VAV3: variants seen among roughly 807,000 people sequenced by gnomAD.
VAV3 encodes guanine nucleotide exchange factor VAV3.
A neutral mutation model predicts 131.2 loss-of-function variants in VAV3; 94 were observed. The observed-to-expected ratio is 0.72, with a 90% confidence interval of 0.61 to 0.85. The LOEUF (loss-of-function observed/expected upper bound fraction) is 0.85, where lower values mean the gene tolerates loss of function less well. VAV3 is among the 40% of genes least tolerant of loss of function. VAV3 has a pLI of 0.00. For synonymous variants in VAV3, 349 were observed against 342.0 expected, an observed-to-expected ratio of 1.02 and a Z score of -0.22; for missense variants, 939 against 1,002.7, an observed-to-expected ratio of 0.94 and a Z score of 0.86.
At chr1:107,713,967 A>C (rs760362755) in intron 15 of VAV3, among the ~76,000 whole-genome samples, 1 of 152,130 alleles carries the variant, frequency 6.6e-6, no homozygotes, top group Non-Finnish European at 1.5e-5. Flanking sequence ...GTTTGTGCCG[A>C]ATGTTCAAAT....
chr1:107,695,123 G>A (rs1267347968), intron 17 of VAV3, among the ~76,000 whole-genome samples: 2 of 152,036 alleles, frequency 1.3e-5, no homozygotes, highest in African/African-American at 4.8e-5. Context: ...TTGGAGAACT[G>A]TGAGTAGTTA....
At chr1:107,813,627 T>C (rs1667424761) in intron 2 of VAV3, among the ~76,000 whole-genome samples, 1 of 152,240 alleles carries the variant, frequency 6.6e-6, no homozygotes, top group Non-Finnish European at 1.5e-5. Flanking sequence ...AAGTCCTCTC[T>C]TCTAGCTATT....
intron 2 of VAV3, among the ~76,000 whole-genome samples, chr1:107,843,105 T>C (rs965562501): frequency 2.0e-5 from 3 of 152,060 alleles, no homozygotes; most frequent in Admixed American, 2.0e-4. Flanking sequence ...TTCCAATTTA[T>C]CGTGAAACCT....
Position 107,602,432 on chromosome 1 carries a change from GA to G in VAV3, c.2184del (p.His729ThrfsTer11). On this transcript the variant is annotated frameshift_variant, in exon 24 of 27. Coordinates refer to ENST00000370056, the MANE Select transcript of VAV3 (RefSeq NM_006113.5). LOFTEE classifies it high-confidence loss of function. ...HIKILTRDGF[F>X]HIAENRKFKS... ...TTAAATTTTCTATTTTCTGCAATGT[GA>G]AAAAAGCCATCTCTTGTTAAAATCT... The G allele has an allele frequency of 1.9e-6, 3 of 1,574,242 alleles. No individual in the cohort carries two copies. The highest frequency in any genetic ancestry group is 2.0e-5 in the Admixed American group (1 of 50,298).
chr1:107,856,298 T>C (rs1669464699), intron 2 of VAV3, among the ~76,000 whole-genome samples: 2 of 152,228 alleles, frequency 1.3e-5, no homozygotes, highest in African/African-American at 4.8e-5. Flanking sequence ...CATTGCTATG[T>C]TCCTGAAAAC....
chr1:107,923,778 T>C (rs1673026904), intron 1 of VAV3, among the ~76,000 whole-genome samples: 1 of 152,094 alleles, frequency 6.6e-6, no homozygotes, highest in Non-Finnish European at 1.5e-5. Context: ...TCCCTCAACA[T>C]CTGAGGATTA....
chr1:107,818,117 A>G (rs552504057), intron 2 of VAV3, among the ~76,000 whole-genome samples: 1 of 152,302 alleles, frequency 6.6e-6, no homozygotes, highest in East Asian at 1.9e-4. Flanking sequence ...GAGTGAGGAG[A>G]GCAGGGCAGG....
chr1:107,686,827 G>GA (rs1156861406), intron 18 of VAV3, among the ~76,000 whole-genome samples: 2 of 152,108 alleles, frequency 1.3e-5, no homozygotes, highest in African/African-American at 4.8e-5. Flanking sequence ...AGTATCACAT[G>GA]AAAATTATTA....
chr1:107,616,985 C>T (rs545304446), intron 21 of VAV3, among the ~76,000 whole-genome samples: 1 of 152,178 alleles, frequency 6.6e-6, no homozygotes, highest in African/African-American at 2.4e-5. Context: ...CATAACACAC[C>T]AGGGAGTACA....
At chr1:107,860,096 T>C (rs79765119) in intron 2 of VAV3, among the ~76,000 whole-genome samples, 3,335 of 152,274 alleles carry the variant, frequency 0.022, 60 homozygotes, top group Middle Eastern at 0.037. Context: ...TTATAATAGA[T>C]AGTAGATGAA....
At chr1:107,842,511 G>C (rs1217312206) in intron 2 of VAV3, among the ~76,000 whole-genome samples, 1 of 152,150 alleles carries the variant, frequency 6.6e-6, no homozygotes, top group Non-Finnish European at 1.5e-5. Flanking sequence ...CCCATCTGGT[G>C]AACTTCTGTG....
chr1:107,939,883 G>C (rs961755256), intron 1 of VAV3, among the ~76,000 whole-genome samples: 2 of 152,080 alleles, frequency 1.3e-5, no homozygotes, highest in Admixed American at 1.3e-4. Flanking sequence ...AAGCCCAGAG[G>C]AGGAAGAGTA....
intron 2 of VAV3, among the ~76,000 whole-genome samples, chr1:107,860,066 A>T (rs550799235): frequency 1.3e-5 from 2 of 152,288 alleles, no homozygotes; most frequent in East Asian, 3.9e-4. Context: ...TGTTCAGCAA[A>T]AATAGCGGTA....
chr1:107,938,565 G>C (rs1673836125), intron 1 of VAV3, among the ~76,000 whole-genome samples: 1 of 152,158 alleles, frequency 6.6e-6, no homozygotes, highest in Non-Finnish European at 1.5e-5. Context: ...ACATAATTAG[G>C]ATGTCAGAAC....
chr1:107,644,736 C>T (rs139363500), intron 19 of VAV3, among the ~76,000 whole-genome samples: 68 of 152,124 alleles, frequency 4.5e-4, no homozygotes, highest in Middle Eastern at 3.4e-3. Flanking sequence ...CATTTCACCA[C>T]CCAAATATAT....
intron 19 of VAV3, among the ~76,000 whole-genome samples, chr1:107,646,433 A>C (rs1327709629): frequency 6.6e-6 from 1 of 152,052 alleles, no homozygotes; most frequent in Non-Finnish European, 1.5e-5. Flanking sequence ...CTACCTTCAG[A>C]CATTAAATGC....
At chr1:107,613,858 A>C (rs1652939761) in intron 21 of VAV3, among the ~76,000 whole-genome samples, 3 of 151,918 alleles carry the variant, frequency 2.0e-5, no homozygotes, top group Admixed American at 2.0e-4. Context: ...AATTTTTTTA[A>C]TTTTTATTTT....
chr1:107,953,865 A>G (rs1311626277), intron 1 of VAV3, among the ~76,000 whole-genome samples: 1 of 152,174 alleles, frequency 6.6e-6, no homozygotes, highest in Non-Finnish European at 1.5e-5. Flanking sequence ...ATATTAATTG[A>G]CCCTTTAAAG....
chr1:107,898,233 A>C (rs1286021299), intron 1 of VAV3, among the ~76,000 whole-genome samples: 3 of 152,188 alleles, frequency 2.0e-5, no homozygotes, highest in Non-Finnish European at 4.4e-5. Context: ...AATTACACAC[A>C]ACAAATTTAA....
Sources: gnomAD v4.1 joint callset for allele counts (sites outside exome capture counted in the v4.1 genomes callset) on GRCh38, gnomAD v4.1.1 for gene constraint, MANE v1.5 for transcripts, NCBI Gene and HGNC (gene_info 2026-07-23, HGNC 2026-07-21) for gene names.